Variants in CHUK observed in about 807,000 individuals in gnomAD.
CHUK encodes inhibitor of nuclear factor kappa-B kinase subunit alpha.
CHUK carries 35 observed loss-of-function variants against 104.8 expected under a neutral mutation model. The observed-to-expected ratio is 0.33, with a 90% CI of 0.26 to 0.44. The LOEUF (loss-of-function observed/expected upper bound fraction) is 0.44, where lower values mean the gene tolerates loss of function less well. Ranked by LOEUF, CHUK falls within the 20% of genes least tolerant of loss-of-function variation. The pLI, the probability that CHUK is intolerant of heterozygous loss-of-function variation, is 1.00. For missense variants in CHUK, 663 were observed against 902.7 expected (o/e 0.73, Z 3.40); for synonymous variants, 276 against 291.9 (o/e 0.95, Z 0.56).
intron 20 of CHUK, 126 bp downstream of exon 20, chr10:100,190,743 C>A (rs1194562961): frequency 1.3e-6 from 1 of 759,580 alleles, no homozygotes; most frequent in East Asian, 2.5e-5. Context: ...TCCCCAAATG[C>A]TCTTTCCTCT....
At chr10:100,219,421 C>T (rs540986099) in intron 5 of CHUK, 62 bp from the exon 6 acceptor site, 653 of 961,378 alleles carry the variant, frequency 6.8e-4, no homozygotes, top group Non-Finnish European at 1.0e-3. Context: ...GGAAAGACAA[C>T]AATATCCTTA....
chr10:100,219,132 C>T lies in CHUK; in HGVS notation c.565G>A (p.Ala189Thr). Residue 189 changes from alanine (A) to threonine (T), a missense_variant and splice_region_variant, in exon 7 of 21, where the codon GCC (alanine) becomes ACC (threonine). Transcript: ENST00000370397. ...GGCTTATTCTCAAAGAGCTCTGGGG[C>T]CTTCAAAAGAGAAAATGCTTTAAAC... The part of the protein sequence containing the change: ...TSFVGTLQYL[A>T]PELFENKPYT... 6.2e-7 allele frequency: 1 copy of T among 1,613,616 alleles called. No individual in the cohort carries two copies. The highest frequency in any genetic ancestry group is 8.5e-7 in the Non-Finnish European group (1 of 1,179,598).
In CHUK at chr10:100,213,023, GAAAAAGAAAA is replaced by G. The variant is rs1331616549; in HGVS notation, c.934-3244_934-3235del. Among the ~76,000 whole-genome samples, 4 of 143,380 alleles carry G rather than the reference GAAAAAGAAAA, an allele frequency of 2.8e-5. No homozygotes were observed. The East Asian group carries it at 6.1e-4, about 22-fold the overall frequency. 94.1% of individuals were successfully genotyped at this position (143,380 alleles called of 152,430 possible). On this transcript the variant is annotated intron_variant, in intron 9 of 20. Coordinates refer to ENST00000370397, the MANE Select transcript of CHUK (RefSeq NM_001278.5). The stretch of plus-strand genomic sequence containing the variant: ...CTCAAAAAAAAAAAAAAAGAAAGAA[GAAAAAGAAAA>G]AAAAAGAAAAAAGAAAGGGATACTG...
chr10:100,194,273 C>T (rs1311258875), intron 17 of CHUK, 142 bp from the exon 18 acceptor site: 1 of 1,092,602 alleles, frequency 9.2e-7, no homozygotes, highest in Non-Finnish European at 1.4e-6. Context: ...CAAAAGGACA[C>T]ATAAATGCAG....
At chr10:100,220,700 T>C (rs760833681) in intron 4 of CHUK, 24 bp from the exon 5 acceptor site, 13 of 1,498,994 alleles carry the variant, frequency 8.7e-6, no homozygotes. Flanking sequence ...AAAATATACT[T>C]TAAAGTAACA....
intron 2 of CHUK, among the ~76,000 whole-genome samples, chr10:100,224,546 C>G (rs1449416417): frequency 1.3e-5 from 2 of 151,894 alleles, no homozygotes. Context: ...AAGCAATTCT[C>G]CTCCCTCGGC....
chr10:100,226,237 G>A (rs1223783192), intron 1 of CHUK, among the ~76,000 whole-genome samples: 1 of 152,100 alleles, frequency 6.6e-6, no homozygotes, highest in Admixed American at 6.5e-5. Context: ...GCATACAAGG[G>A]AAAAGTGCCT....
intron 9 of CHUK, among the ~76,000 whole-genome samples, chr10:100,216,998 T>C (rs1845870343): frequency 6.6e-6 from 1 of 152,118 alleles, no homozygotes; most frequent in Non-Finnish European, 1.5e-5. Flanking sequence ...ATGACAAATT[T>C]TGTGGCAGAG....
intron 10 of CHUK, among the ~76,000 whole-genome samples, chr10:100,208,797 C>T (rs1259638656): frequency 1.2e-5 from 1 of 80,040 alleles, no homozygotes; most frequent in African/African-American, 6.0e-5. Flanking sequence ...AAAAAAAAAA[C>T]TGGAAGAGCC....
chr10:100,229,371 C>T, intron 1 of CHUK, 57 bp downstream of exon 1: 2 of 1,285,518 alleles, frequency 1.6e-6, no homozygotes, highest in Non-Finnish European at 2.2e-6. Context: ...GTTCCACAGA[C>T]GCTCAAACCC....
Position 100,207,335 on chromosome 10 carries a change from GA to G in CHUK, c.1129-4del. On this transcript the variant is annotated splice_polypyrimidine_tract_variant and splice_region_variant and intron_variant, in intron 10 of 20. Transcript: ENST00000370397. Reference sequence around the variant, plus strand: ...ACCATATAGCTATCACAGCCTCTCTGAAAAAGAAACAAACAGTTAAAATCCT... The same window carrying G: ...ACCATATAGCTATCACAGCCTCTCTGAAAAGAAACAAACAGTTAAAATCCT... 3 of 1,350,178 alleles carry G rather than the reference GA, an allele frequency of 2.2e-6. No individual in the cohort carries two copies. Among genetic ancestry groups the G allele is most frequent in the Non-Finnish European group, 3.2e-6 (3 of 941,050 alleles). The allele number at this position is 1,350,178 out of a possible 1,614,324, so 83.6% of individuals were successfully genotyped here.
In CHUK at chr10:100,188,692, T is replaced by G. The variant is rs1346156955; in HGVS notation, c.*906A>C. 1 of 152,210 alleles carries G rather than the reference T, an allele frequency of 6.6e-6. No homozygotes were observed. The highest frequency in any genetic ancestry group is 2.4e-5 in the African/African-American group (1 of 41,436). The allele number at this position is 152,210 out of a possible 1,614,324, so 9.4% of individuals were successfully genotyped here. ...GATTCAAGGTCAGTTCAGATTAGAT[T>G]GCAAGCAAATGAATTTTGTCACCAA... On this transcript the variant is annotated 3_prime_UTR_variant, in exon 21 of 21. Coordinates refer to ENST00000370397, the MANE Select transcript of CHUK (RefSeq NM_001278.5).
chr10:100,229,304 GC>G (rs1446587619), intron 1 of CHUK, 123 bp downstream of exon 1: 12 of 738,144 alleles, frequency 1.6e-5, no homozygotes, highest in Non-Finnish European at 2.6e-5. Flanking sequence ...AAGCCCACTG[GC>G]CCCCAAATAC....
intron 1 of CHUK, among the ~76,000 whole-genome samples, chr10:100,227,676 C>A (rs1226295315): frequency 1.3e-5 from 2 of 152,104 alleles, no homozygotes; most frequent in Non-Finnish European, 1.5e-5. Flanking sequence ...AAGATTTTCT[C>A]CTATGCCCTA....
At position 100,194,077 on chromosome 10, in the gene CHUK, C is replaced by A; in HGVS notation, c.1881G>T (p.Val627=). The A allele has an allele frequency of 6.2e-7, 1 of 1,613,596 alleles. No homozygotes were observed. Among genetic ancestry groups the A allele is most frequent in the Non-Finnish European group, 8.5e-7 (1 of 1,179,648 alleles). ...KIIDLLPKVE[V]ALSNIKEADN... ...CAGCTTCTTTGATATTACTGAGGGC[C>A]ACTTCCACCTTAGGGAGTAGATCAA... The change falls in exon 18 of 21, where the codon GTG becomes GTT. Residue 627 remains valine, a synonymous_variant. Coordinates refer to ENST00000370397, the MANE Select transcript of CHUK (RefSeq NM_001278.5).
At chr10:100,197,182 T>C (rs910731677) in intron 16 of CHUK, among the ~76,000 whole-genome samples, 1 of 152,238 alleles carries the variant, frequency 6.6e-6, no homozygotes, top group African/African-American at 2.4e-5. Context: ...TGTAGGCAAC[T>C]GTAACACAAT....
chr10:100,208,246 A>G (rs1191770301), intron 10 of CHUK, among the ~76,000 whole-genome samples: 3 of 152,168 alleles, frequency 2.0e-5, no homozygotes, highest in Non-Finnish European at 2.9e-5. Flanking sequence ...AGCTAGGACT[A>G]CAGGGGTGCA....
chr10:100,207,709 A>C (rs1179662262), intron 10 of CHUK, among the ~76,000 whole-genome samples: 1 of 152,242 alleles, frequency 6.6e-6, no homozygotes, highest in Non-Finnish European at 1.5e-5. Context: ...ATTTATATGG[A>C]ATGTTCAGAA....
chr10:100,215,214 CA>C (rs913817319), intron 9 of CHUK, among the ~76,000 whole-genome samples: 5,280 of 51,428 alleles, frequency 0.1, 212 homozygotes, highest in African/African-American at 0.24. Context: ...GGCTCCATAT[CA>C]AAAAAAAAAA....
Sources: allele counts gnomAD v4.1 joint callset (sites outside exome capture counted in the v4.1 genomes callset), GRCh38; gene constraint gnomAD v4.1.1; transcripts MANE v1.5; gene names NCBI Gene and HGNC (gene_info 2026-07-23, HGNC 2026-07-21).